SVEP1: variants seen among roughly 807,000 people sequenced by gnomAD.
The protein encoded by SVEP1 is sushi, von Willebrand factor type A, EGF and pentraxin domain-containing protein 1.
SVEP1 carries 164 observed loss-of-function variants against 367.3 expected under a neutral mutation model. The observed-to-expected ratio is 0.45, with a 90% CI of 0.39 to 0.51. The LOEUF is 0.51. Among genes scored for constraint, SVEP1 ranks in the 20% least tolerant of loss-of-function variants. The pLI, the probability that SVEP1 is intolerant of heterozygous loss-of-function variation, is 0.00. For missense variants in SVEP1, 4,117 were observed against 4,425.3 expected (o/e 0.93, Z 1.98); for synonymous variants, 1,666 against 1,611.6 (o/e 1.03, Z -0.81).
At position 110,406,219 on chromosome 9, in the gene SVEP1, A is replaced by G; in HGVS notation, c.9381T>C (p.Ser3127=). 1 of 1,610,394 alleles carries G rather than the reference A, an allele frequency of 6.2e-7. No individual in the cohort carries two copies. Among genetic ancestry groups the G allele is most frequent in the Non-Finnish European group, 8.5e-7 (1 of 1,177,890 alleles). The change falls in exon 38 of 48, where the codon TCT becomes TCC. Residue 3127 remains serine (S), a synonymous_variant. Transcript: ENST00000374469. ...CTCCAGTTGCCACTGCATTGGCGAC[A>G]GACGGTGGGGACCCACAGGACAAGG... ...CEPLSCGSPP[S]VANAVATGEA...
chr9:110,536,594 G>C (rs184931621), intron 3 of SVEP1, among the ~76,000 whole-genome samples: 12 of 151,960 alleles, frequency 7.9e-5, no homozygotes, highest in South Asian at 4.2e-4. Context: ...AATTTTACTA[G>C]GGTACATTGC....
intron 46 of SVEP1, among the ~76,000 whole-genome samples, chr9:110,373,563 C>T (rs1827307901): frequency 6.6e-6 from 1 of 151,952 alleles, no homozygotes; most frequent in Non-Finnish European, 1.5e-5. Context: ...GTGGTATAAA[C>T]ATTGTTTATA....
chr9:110,384,447 G>A (rs528186243), intron 43 of SVEP1, among the ~76,000 whole-genome samples: 10 of 121,920 alleles, frequency 8.2e-5, no homozygotes, highest in East Asian at 2.4e-4. Flanking sequence ...GGGAGGCTCC[G>A]GCCACAGCTG....
chr9:110,520,946 C>G (rs999566120), intron 3 of SVEP1, among the ~76,000 whole-genome samples: 16 of 152,270 alleles, frequency 1.1e-4, no homozygotes, highest in African/African-American at 3.6e-4. Flanking sequence ...TGGAGTTGTA[C>G]AACACCAAGC....
intron 36 of SVEP1, 85 bp downstream of exon 36, chr9:110,427,506 C>T (rs759113515): frequency 8.2e-5 from 120 of 1,466,304 alleles, no homozygotes; most frequent in East Asian, 2.8e-4. Flanking sequence ...AATTAAATTT[C>T]GTGTCCAATG....
intron 12 of SVEP1, 75 bp downstream of exon 12, chr9:110,481,167 T>G: frequency 1.7e-6 from 2 of 1,172,260 alleles, no homozygotes; most frequent in Non-Finnish European, 2.2e-6. Flanking sequence ...CGTAAGGCAA[T>G]TTTCCTCTTT....
chr9:110,395,249 A>G (rs1403312577), intron 40 of SVEP1, among the ~76,000 whole-genome samples: 1 of 152,194 alleles, frequency 6.6e-6, no homozygotes, highest in Non-Finnish European at 1.5e-5. Flanking sequence ...ATCCAGCCAA[A>G]CTATGCTTCA....
intron 42 of SVEP1, among the ~76,000 whole-genome samples, chr9:110,386,284 C>T (rs1374834711): frequency 6.6e-6 from 1 of 152,086 alleles, no homozygotes; most frequent in East Asian, 1.9e-4. Flanking sequence ...GATCAGAAAA[C>T]ATGAAGTTAT....
chr9:110,434,259 T>C, intron 30 of SVEP1, 77 bp downstream of exon 30: 1 of 1,441,366 alleles, frequency 6.9e-7, no homozygotes. Flanking sequence ...TCACTCTTTG[T>C]CTAGCATTCC....
At chr9:110,539,137 T>G (rs1056958034) in intron 3 of SVEP1, among the ~76,000 whole-genome samples, 1 of 152,050 alleles carries the variant, frequency 6.6e-6, no homozygotes, top group African/African-American at 2.4e-5. Flanking sequence ...TCTTGAGCAC[T>G]TACTTACTAT....
chr9:110,523,330 A>C (rs1316005491), intron 3 of SVEP1, among the ~76,000 whole-genome samples: 1 of 152,200 alleles, frequency 6.6e-6, no homozygotes, highest in Admixed American at 6.5e-5. Flanking sequence ...ACATTTTTGA[A>C]TGCCAATAGC....
intron 1 of SVEP1, among the ~76,000 whole-genome samples, chr9:110,578,811 C>T (rs189362304): frequency 5.9e-4 from 90 of 152,272 alleles, no homozygotes; most frequent in Admixed American, 4.3e-3. Context: ...TCCCTCTAAG[C>T]GTTTTAAAAT....
chr9:110,563,979 T>C (rs1295941573), intron 1 of SVEP1, among the ~76,000 whole-genome samples: 1 of 152,170 alleles, frequency 6.6e-6, no homozygotes, highest in Middle Eastern at 3.2e-3. Context: ...AAATGAACTA[T>C]CTCAATCTCT....
At chr9:110,571,127 C>G (rs1830558146) in intron 1 of SVEP1, among the ~76,000 whole-genome samples, 1 of 151,946 alleles carries the variant, frequency 6.6e-6, no homozygotes, top group African/African-American at 2.4e-5. Flanking sequence ...CTGGCATGTG[C>G]CACCACAGAT....
intron 29 of SVEP1, 103 bp from the exon 30 acceptor site, chr9:110,434,609 C>A: frequency 1.1e-6 from 1 of 907,092 alleles, no homozygotes; most frequent in East Asian, 6.8e-5. Context: ...TTGAGAGCCA[C>A]CTTACTGATG....
chr9:110,526,750 C>T (rs1056190744), intron 3 of SVEP1, among the ~76,000 whole-genome samples: 2 of 152,072 alleles, frequency 1.3e-5, no homozygotes, highest in African/African-American at 4.8e-5. Flanking sequence ...CAGCTTTATT[C>T]ATAAAAGCCA....
chr9:110,462,614 G>T (rs1828874258), intron 18 of SVEP1, among the ~76,000 whole-genome samples: 1 of 150,976 alleles, frequency 6.6e-6, no homozygotes, highest in Admixed American at 6.6e-5. Context: ...AGTGTCATGA[G>T]AAAAGAGGGG....
At chr9:110,555,407 G>T (rs1330106695) in intron 1 of SVEP1, among the ~76,000 whole-genome samples, 4 of 152,102 alleles carry the variant, frequency 2.6e-5, no homozygotes, top group Admixed American at 2.0e-4. Flanking sequence ...TAGTGTGTCT[G>T]GGTACATGCA....
chr9:110,528,560 G>C (rs1829975352), intron 3 of SVEP1, among the ~76,000 whole-genome samples: 1 of 151,890 alleles, frequency 6.6e-6, no homozygotes, highest in Non-Finnish European at 1.5e-5. Flanking sequence ...GATAATTAGT[G>C]ATTTTGAGCA....
Sources: allele counts gnomAD v4.1 joint callset (sites outside exome capture counted in the v4.1 genomes callset), GRCh38; gene constraint gnomAD v4.1.1; transcripts MANE v1.5; gene names NCBI Gene and HGNC (gene_info 2026-07-23, HGNC 2026-07-21).